Variants in LRBA observed in about 807,000 individuals in gnomAD.
LRBA encodes the protein LPS responsive beige-like anchor protein.
Under a neutral mutation model 330.0 loss-of-function variants are expected in LRBA, and 176 were observed. That is an observed-to-expected ratio of 0.53 (90% CI 0.47 to 0.60). The LOEUF is 0.60. LRBA is among the 20% of genes least tolerant of loss of function. The probability of loss-of-function intolerance (pLI) is 0.00; values close to 1 mark genes in which losing one functional copy is unlikely to be tolerated. For missense variants in LRBA, 3,259 were observed against 3,444.8 expected (o/e 0.95, Z 1.35); for synonymous variants, 1,230 against 1,193.0 (o/e 1.03, Z -0.64).
chr4:150,644,940 T>C (rs919875678), intron 37 of LRBA, among the ~76,000 whole-genome samples: 2 of 151,764 alleles, frequency 1.3e-5, no homozygotes, highest in African/African-American at 4.8e-5. Flanking sequence ...ATTACTCAGG[T>C]ACCCTGCAAA....
chr4:150,442,051 G>A (rs1486332727), intron 44 of LRBA, among the ~76,000 whole-genome samples: 2 of 152,104 alleles, frequency 1.3e-5, no homozygotes, highest in Admixed American at 6.6e-5. Context: ...CCTTTCAGAA[G>A]TGAAATTCCA....
At chr4:150,952,577 G>A (rs946636516) in intron 2 of LRBA, among the ~76,000 whole-genome samples, 1 of 152,068 alleles carries the variant, frequency 6.6e-6, no homozygotes, top group Non-Finnish European at 1.5e-5. Flanking sequence ...CTTTGCCTGT[G>A]TCTGTCAATG....
intron 40 of LRBA, among the ~76,000 whole-genome samples, chr4:150,494,865 T>C (rs573667917): frequency 2.0e-5 from 3 of 152,138 alleles, no homozygotes; most frequent in Non-Finnish European, 4.4e-5. Context: ...CCAGGCGTGG[T>C]TGCGGGCGCC....
intron 34 of LRBA, among the ~76,000 whole-genome samples, chr4:150,783,953 T>C (rs2084611834): frequency 6.6e-6 from 1 of 152,100 alleles, no homozygotes; most frequent in Admixed American, 6.5e-5. Flanking sequence ...AAAGACACTC[T>C]ACTAGGAAAG....
chr4:150,571,810 A>C (rs1222162207), intron 40 of LRBA, among the ~76,000 whole-genome samples: 1 of 151,564 alleles, frequency 6.6e-6, no homozygotes, highest in Non-Finnish European at 1.5e-5. Context: ...CATAGCAATA[A>C]GTTATTTAAG....
intron 10 of LRBA, 25 bp downstream of exon 10, chr4:150,908,635 G>A (rs771858776): frequency 1.3e-5 from 20 of 1,585,072 alleles, no homozygotes; most frequent in Non-Finnish European, 1.7e-5. Context: ...CATTATAAAT[G>A]TTCTTAAAAG....
At chr4:150,873,070 G>C (rs958635287) in intron 17 of LRBA, among the ~76,000 whole-genome samples, 2 of 152,072 alleles carry the variant, frequency 1.3e-5, no homozygotes. Context: ...TGTTCTGAAG[G>C]TTACCAACTT....
At chr4:150,269,370 C>T (rs145868501) in intron 56 of LRBA, among the ~76,000 whole-genome samples, 129 of 152,264 alleles carry the variant, frequency 8.5e-4, no homozygotes, top group African/African-American at 2.9e-3. Context: ...GGTGCCAAGA[C>T]CTTTCAACGG....
chr4:150,494,385 G>A (rs990161063), intron 40 of LRBA, among the ~76,000 whole-genome samples: 3 of 152,078 alleles, frequency 2.0e-5, no homozygotes, highest in African/African-American at 7.2e-5. Context: ...ATCACACACT[G>A]GTCTGAAAAT....
chr4:150,875,785 C>T (rs1272382661), intron 17 of LRBA, among the ~76,000 whole-genome samples: 1 of 152,128 alleles, frequency 6.6e-6, no homozygotes, highest in African/African-American at 2.4e-5. Flanking sequence ...GTCAGCATCT[C>T]CAAAGAAGGA....
In LRBA at chr4:150,683,543, C is replaced by A; in HGVS notation, c.5921+8G>T. ...ATCAGTGGCCAAATCCTAAAGGTAT[C>A]CCTTTACCTCACTGCAGAATTTCCC... On this transcript the variant is annotated splice_region_variant and intron_variant, in intron 37 of 56. Coordinates refer to ENST00000651943, the MANE Select transcript of LRBA (RefSeq NM_001364905.1). The A allele has an allele frequency of 6.2e-7, 1 of 1,610,430 alleles. No homozygotes were observed. Among genetic ancestry groups the A allele is most frequent in the Non-Finnish European group, 8.5e-7 (1 of 1,176,954 alleles).
intron 55 of LRBA, among the ~76,000 whole-genome samples, chr4:150,279,672 C>T (rs1283926033): frequency 2.0e-5 from 3 of 152,178 alleles, no homozygotes; most frequent in South Asian, 2.1e-4. Context: ...CTCAAGAACA[C>T]AAAAACACAT....
chr4:150,727,063 C>T (rs1355052988), intron 36 of LRBA, among the ~76,000 whole-genome samples: 12 of 118,962 alleles, frequency 1.0e-4, no homozygotes, highest in East Asian at 9.9e-4. Flanking sequence ...CAGAACATTT[C>T]GTTGTTTTTT....
chr4:150,931,780 G>A (rs1363621495), intron 2 of LRBA, among the ~76,000 whole-genome samples: 1 of 151,278 alleles, frequency 6.6e-6, no homozygotes, highest in East Asian at 1.9e-4. Context: ...ATAAGTTTAG[G>A]GATAGCTATA....
At chr4:150,889,997 T>A (rs1015919213) in intron 17 of LRBA, among the ~76,000 whole-genome samples, 8 of 152,164 alleles carry the variant, frequency 5.3e-5, no homozygotes, top group African/African-American at 1.9e-4. Flanking sequence ...TAAAAATGAA[T>A]ATGATCGAGA....
intron 4 of LRBA, among the ~76,000 whole-genome samples, chr4:150,922,394 G>GTGTA (rs1554000209): frequency 1.0e-4 from 14 of 139,734 alleles, no homozygotes; most frequent in Middle Eastern, 7.2e-3. Flanking sequence ...AGAAACTGTG[G>GTGTA]TATATATATA....
chr4:150,625,556 TC>T (rs1257350599), intron 37 of LRBA, among the ~76,000 whole-genome samples: 2 of 152,034 alleles, frequency 1.3e-5, no homozygotes, highest in African/African-American at 4.8e-5. Context: ...ATCTTGGGTT[TC>T]ACAGAAAGAG....
At chr4:150,983,828 T>C (rs562125594) in intron 2 of LRBA, among the ~76,000 whole-genome samples, 18 of 152,086 alleles carry the variant, frequency 1.2e-4, no homozygotes, top group African/African-American at 4.1e-4. Flanking sequence ...CCAGTTACCA[T>C]CTGAACTCTC....
intron 22 of LRBA, among the ~76,000 whole-genome samples, chr4:150,862,843 G>C (rs910995553): frequency 6.6e-6 from 1 of 152,062 alleles, no homozygotes; most frequent in Non-Finnish European, 1.5e-5. Context: ...GCTGAGTGTG[G>C]AGGTGCACAC....
Sources: gnomAD v4.1 joint callset for allele counts (sites outside exome capture counted in the v4.1 genomes callset) on GRCh38, gnomAD v4.1.1 for gene constraint, MANE v1.5 for transcripts, NCBI Gene and HGNC (gene_info 2026-07-23, HGNC 2026-07-21) for gene names.